The following ACVR1B variants were observed in gnomAD, a reference collection of about 807,000 sequenced individuals.
ACVR1B encodes activin A receptor type 1B, also known as activin receptor type-1B.
ACVR1B carries 15 observed loss-of-function variants against 55.6 expected under a neutral mutation model. That is an observed-to-expected ratio of 0.27 (90% CI 0.18 to 0.42). The LOEUF is 0.42. Among genes scored for constraint, ACVR1B ranks in the 10% least tolerant of loss-of-function variants. The probability of loss-of-function intolerance (pLI) is 1.00; values close to 1 mark genes in which losing one functional copy is unlikely to be tolerated. For missense variants in ACVR1B, 359 were observed against 670.1 expected, an observed-to-expected ratio of 0.54 and a Z score of 5.13; for synonymous variants, 247 against 254.6, an observed-to-expected ratio of 0.97 and a Z score of 0.28.
At chr12:51,976,886 G>A (rs1265791464) in intron 3 of ACVR1B, among the ~76,000 whole-genome samples, 3 of 152,192 alleles carry the variant, frequency 2.0e-5, no homozygotes, top group East Asian at 3.8e-4. Context: ...CTGAGCAGTG[G>A]AGTGCTCAAT....
At chr12:51,993,787 A>G (rs1395769920) in intron 8 of ACVR1B, among the ~76,000 whole-genome samples, 198 bp from the exon 9 acceptor site, 1 of 144,884 alleles carries the variant, frequency 6.9e-6, no homozygotes, top group Non-Finnish European at 1.5e-5. Context: ...AAAAAAAAAA[A>G]AAAAAAAAAA....
chr12:51,979,944 C>T (rs533712673), intron 3 of ACVR1B, among the ~76,000 whole-genome samples: 11 of 151,916 alleles, frequency 7.2e-5, no homozygotes, highest in Non-Finnish European at 1.0e-4. Flanking sequence ...GACAGGCGGA[C>T]GGAGATGGAG....
At chr12:51,990,343 G>A (rs1427997009) in intron 7 of ACVR1B, among the ~76,000 whole-genome samples, 1 of 106,366 alleles carries the variant, frequency 9.4e-6, no homozygotes, top group Non-Finnish European at 1.8e-5. Flanking sequence ...TTGAGACAGA[G>A]TCTCACTGTC....
Position 51,976,406 on chromosome 12 carries a change from C to T in ACVR1B, c.411C>T (p.Leu137=), listed in dbSNP as rs764327568. 1 of 1,614,208 alleles carries T rather than the reference C, an allele frequency of 6.2e-7. No individual in the cohort carries two copies. The highest frequency in any genetic ancestry group is 1.1e-5 in the South Asian group (1 of 91,086). ...GCATCATCGCCGGCCCGGTGTTCCT[C>T]CTGTTCCTCATCATCATCATTGTTT... ...LVGIIAGPVF[L]LFLIIIIVFL... Residue 137 remains leucine, a synonymous_variant, in exon 3 of 9, where the codon CTC becomes CTT. Transcript: ENST00000257963.
intron 1 of ACVR1B, among the ~76,000 whole-genome samples, chr12:51,955,197 A>C (rs1450029200): frequency 3.9e-5 from 6 of 152,240 alleles, no homozygotes; most frequent in Admixed American, 3.3e-4. Context: ...CTGTGAACAC[A>C]GGAAGGTTAG....
chr12:51,984,372 C>T (rs1942039485), intron 5 of ACVR1B, among the ~76,000 whole-genome samples: 1 of 152,198 alleles, frequency 6.6e-6, no homozygotes, highest in Non-Finnish European at 1.5e-5. Flanking sequence ...TGATAGAACT[C>T]CCTCAGGAAC....
intron 7 of ACVR1B, among the ~76,000 whole-genome samples, chr12:51,988,866 C>T (rs189878837): frequency 1.3e-5 from 2 of 152,286 alleles, no homozygotes; most frequent in Non-Finnish European, 2.9e-5. Flanking sequence ...ACCTGTAATC[C>T]CAGCACTTTG....
chr12:51,976,658 G>A (rs2120617202), intron 3 of ACVR1B, 83 bp downstream of exon 3: 1 of 1,542,864 alleles, frequency 6.5e-7, no homozygotes, highest in South Asian at 1.2e-5. Context: ...GAGAAGGCTG[G>A]AGGCCCTGCA....
Position 51,981,166 on chromosome 12 carries a change from A to G in ACVR1B, c.778A>G (p.Asn260Asp). The G allele has an allele frequency of 6.2e-7, 1 of 1,614,154 alleles. No homozygotes were observed. Among genetic ancestry groups the G allele is most frequent in the Non-Finnish European group, 8.5e-7 (1 of 1,180,004 alleles). ...IYQTVMLRHE[N>D]ILGFIAADNK... ...CCAGACGGTCATGCTGCGCCATGAAAACATCCTTGGATTTATTGCTGCTGA... is the reference window on the plus strand; with the variant it reads ...CCAGACGGTCATGCTGCGCCATGAAGACATCCTTGGATTTATTGCTGCTGA... Residue 260 changes from asparagine to aspartate, a missense_variant, in exon 4 of 9, where the codon AAC becomes GAC. Physicochemically the swap from Asn to Asp is conservative, Grantham distance 23. This residue lies in a region of ACVR1B where 119 missense variants were observed against 340.2 expected (regional missense o/e 0.35). Transcript: ENST00000257963.
intron 1 of ACVR1B, among the ~76,000 whole-genome samples, chr12:51,955,348 C>T (rs143141748): frequency 1.3e-4 from 20 of 152,296 alleles, no homozygotes; most frequent in Non-Finnish European, 2.5e-4. Flanking sequence ...TATTCTCCAC[C>T]GGTGAGCTAA....
At chr12:51,974,829 A>G (rs569392102) in intron 1 of ACVR1B, among the ~76,000 whole-genome samples, 4 of 152,334 alleles carry the variant, frequency 2.6e-5, no homozygotes, top group African/African-American at 2.4e-5. Context: ...AAAGCATTGC[A>G]GCAAAAGAAT....
chr12:51,984,411 C>A (rs1942040677), intron 5 of ACVR1B, among the ~76,000 whole-genome samples: 1 of 152,178 alleles, frequency 6.6e-6, no homozygotes, highest in Admixed American at 6.5e-5. Context: ...AGCTACTTGT[C>A]AATCAGTGGC....
intron 3 of ACVR1B, among the ~76,000 whole-genome samples, chr12:51,978,829 CAAAAAAAAAAA>C (rs34088542): frequency 6.2e-5 from 3 of 48,280 alleles, no homozygotes; most frequent in African/African-American, 1.9e-4. Flanking sequence ...GACTCCGTCT[CAAAAAAAAAAA>C]AAAAAAAAAG....
chr12:51,978,699 C>G (rs1592254750), intron 3 of ACVR1B, among the ~76,000 whole-genome samples: 1 of 151,736 alleles, frequency 6.6e-6, no homozygotes, highest in South Asian at 2.1e-4. Context: ...GGCGTGGTGG[C>G]GGCGCCTGTA....
chr12:51,990,873 A>G (rs1014016115), intron 7 of ACVR1B, among the ~76,000 whole-genome samples: 2 of 151,930 alleles, frequency 1.3e-5, no homozygotes, highest in East Asian at 1.9e-4. Context: ...CACATATTCT[A>G]CTCTTCCTGG....
At position 51,951,791 on chromosome 12, in the gene ACVR1B, C is replaced by G; in HGVS notation, c.48C>G (p.Leu16=). 1.5e-6 allele frequency: 2 copies of G among 1,297,184 alleles called. No homozygotes were observed. The highest frequency in any genetic ancestry group is 2.0e-6 in the Non-Finnish European group (2 of 1,014,112). The allele number at this position is 1,297,184 out of a possible 1,614,324, so 80.4% of individuals were successfully genotyped here. ...CCTCCTTCTTCCCCCTTGTTGTCCT[C>G]CTGCTCGCCGGCAGCGGCGGGTCCG... ...GASSFFPLVV[L]LLAGSGGSGP... Residue 16 remains leucine (L), a synonymous_variant, in exon 1 of 9, where the codon CTC becomes CTG. Coordinates refer to ENST00000257963, the MANE Select transcript of ACVR1B (RefSeq NM_004302.5).
chr12:51,957,218 C>A (rs891770241), intron 1 of ACVR1B, among the ~76,000 whole-genome samples: 2 of 151,934 alleles, frequency 1.3e-5, no homozygotes, highest in African/African-American at 4.8e-5. Flanking sequence ...GAGGCCGAGG[C>A]AGGTGGATCA....
chr12:51,965,054 A>G (rs768898018), intron 1 of ACVR1B, among the ~76,000 whole-genome samples: 5 of 152,196 alleles, frequency 3.3e-5, no homozygotes, highest in Non-Finnish European at 7.3e-5. Flanking sequence ...TCTGATGTAT[A>G]TAATTTACAT....
At chr12:51,990,241 T>C (rs897476649) in intron 7 of ACVR1B, among the ~76,000 whole-genome samples, 1 of 148,392 alleles carries the variant, frequency 6.7e-6, no homozygotes, top group Non-Finnish European at 1.5e-5. Context: ...TGCATTAAGC[T>C]GAGATTGCGC....
Sources: allele counts gnomAD v4.1 joint callset (sites outside exome capture counted in the v4.1 genomes callset), GRCh38; gene constraint gnomAD v4.1.1; regional missense constraint gnomAD v4.1.1; transcripts MANE v1.5; gene names NCBI Gene and HGNC (gene_info 2026-07-23, HGNC 2026-07-21).